Variants in ZNF451 observed in about 807,000 individuals in gnomAD.
ZNF451 encodes E3 SUMO-protein ligase ZNF451.
Under a neutral mutation model 107.1 loss-of-function variants are expected in ZNF451, and 80 were observed. The observed-to-expected ratio is 0.75, with a 90% CI of 0.62 to 0.90. The LOEUF (loss-of-function observed/expected upper bound fraction) is 0.90, where lower values mean the gene tolerates loss of function less well. Among genes scored for constraint, ZNF451 ranks in the 40% least tolerant of loss-of-function variants. The probability of loss-of-function intolerance (pLI) is 0.00; values close to 1 mark genes in which losing one functional copy is unlikely to be tolerated. For missense variants in ZNF451, 1,107 were observed against 1,236.2 expected, an observed-to-expected ratio of 0.90 and a Z score of 1.57; for synonymous variants, 362 against 406.5, an observed-to-expected ratio of 0.89 and a Z score of 1.32.
chr6:57,090,372 G>A (rs1429080386), intron 1 of ZNF451, 98 bp downstream of exon 1: 25 of 1,542,932 alleles, frequency 1.6e-5, no homozygotes, highest in Non-Finnish European at 4.4e-6. Flanking sequence ...CGCAGCCTCG[G>A]GGCGATACCT....
intron 2 of ZNF451, among the ~76,000 whole-genome samples, chr6:57,098,110 C>G (rs1346035995): frequency 1.3e-5 from 2 of 150,948 alleles, no homozygotes; most frequent in Non-Finnish European, 3.0e-5. Flanking sequence ...GCTGGGACTA[C>G]AGGCACGCAC....
At chr6:57,091,922 C>A (rs1349548205) in intron 2 of ZNF451, among the ~76,000 whole-genome samples, 1 of 152,182 alleles carries the variant, frequency 6.6e-6, no homozygotes, top group African/African-American at 2.4e-5. Flanking sequence ...AGGAGTCCTT[C>A]ACAAGATTGT....
rs868641678 is a variant in ZNF451 at position 57,101,998 on chromosome 6, A to G, written c.186+2857A>G. 10 of 1,550,472 alleles carry G rather than the reference A, an allele frequency of 6.4e-6. No homozygotes were observed. In the African/African-American group the frequency reaches 1.4e-4, roughly 21 times the overall value. On this transcript the variant is annotated intron_variant, in intron 3 of 14. Transcript: ENST00000370706. ...TGATCAGAAAGCACATTATCACAAT[A>G]GAGGATACTCCAAAGGGGATTGGTA...
chr6:57,124,239 G>C (rs1231522994), intron 3 of ZNF451, among the ~76,000 whole-genome samples: 1 of 152,068 alleles, frequency 6.6e-6, no homozygotes. Context: ...TGCTTTTTCT[G>C]CATCTATTAA....
intron 7 of ZNF451, 62 bp downstream of exon 7, chr6:57,134,932 G>GT (rs35299344): frequency 8.5e-6 from 12 of 1,407,418 alleles, no homozygotes; most frequent in Admixed American, 2.0e-5. Flanking sequence ...TTAAGTGGAG[G>GT]TTTTTTCCTG....
chr6:57,099,278 A>G, intron 3 of ZNF451, 137 bp downstream of exon 3: 5 of 688,956 alleles, frequency 7.3e-6, no homozygotes, highest in Non-Finnish European at 1.3e-5. Flanking sequence ...TAGGTAGTCC[A>G]AGGAGTCCTT....
At chr6:57,122,244 T>A (rs1830675336) in intron 3 of ZNF451, among the ~76,000 whole-genome samples, 1 of 152,144 alleles carries the variant, frequency 6.6e-6, no homozygotes, top group Non-Finnish European at 1.5e-5. Flanking sequence ...GATTAAAGAC[T>A]TAAATGTAAG....
intron 3 of ZNF451, among the ~76,000 whole-genome samples, chr6:57,113,538 G>A (rs1036870291): frequency 2.0e-5 from 3 of 151,502 alleles, no homozygotes; most frequent in African/African-American, 7.3e-5. Flanking sequence ...TTCGATGAGT[G>A]ATGTATGAAG....
At chr6:57,097,418 T>C (rs1321327684) in intron 2 of ZNF451, among the ~76,000 whole-genome samples, 1 of 152,246 alleles carries the variant, frequency 6.6e-6, no homozygotes, top group South Asian at 2.1e-4. Flanking sequence ...CAAAATCCTT[T>C]CCTCAGCTAT....
intron 13 of ZNF451, among the ~76,000 whole-genome samples, chr6:57,159,925 T>G (rs74998327): frequency 1.7e-3 from 264 of 152,326 alleles, no homozygotes; most frequent in African/African-American, 6.2e-3. Flanking sequence ...AGGTGCTGAT[T>G]CAAGTCACTG....
At chr6:57,165,548 T>C (rs1317006609) in intron 14 of ZNF451, 1 of 152,256 alleles carries the variant, frequency 6.6e-6, no homozygotes, top group Non-Finnish European at 1.5e-5. Flanking sequence ...GTACTCAAAT[T>C]CATTAAGCCC....
rs75612649 is a variant in ZNF451, at chr6:57,129,594, A to G, written c.424+754A>G. 1.7e-4 allele frequency among the ~76,000 whole-genome samples: 26 copies of G among 152,282 alleles called. 1 individual carries two copies. In the East Asian group the frequency reaches 5.0e-3, roughly 29 times the overall value. ...GTTGAACCTAGGTATCTTGGATTCT[A>G]AAGTTAGTTTTCAAGGGCTTTGCTT... On this transcript the variant is annotated intron_variant, in intron 5 of 14. Transcript: ENST00000370706.
At chr6:57,109,613 G>A (rs1292104314) in intron 3 of ZNF451, 2 of 985,132 alleles carry the variant, frequency 2.0e-6, no homozygotes, top group Admixed American at 6.1e-5. Flanking sequence ...GCATGTAAAT[G>A]TTCATTTCAT....
At chr6:57,111,371 G>GTT (rs372422404) in intron 3 of ZNF451, among the ~76,000 whole-genome samples, 9 of 133,320 alleles carry the variant, frequency 6.8e-5, no homozygotes, top group African/African-American at 1.4e-4. Context: ...GGGTTTTTTT[G>GTT]TTTTTTTTTT....
intron 3 of ZNF451, chr6:57,101,816 C>T (rs1829611519): frequency 6.4e-7 from 1 of 1,550,458 alleles, no homozygotes; most frequent in Non-Finnish European, 8.7e-7. Context: ...ACATCTCTCA[C>T]TAAGAAAACC....
chr6:57,103,674 G>A (rs1829712658), intron 3 of ZNF451: 2 of 985,322 alleles, frequency 2.0e-6, no homozygotes, highest in Non-Finnish European at 2.4e-6. Flanking sequence ...ACTTAATTCT[G>A]TAACTTCTGC....
At chr6:57,104,154 C>G (rs1238401768) in intron 3 of ZNF451, 8 of 984,986 alleles carry the variant, frequency 8.1e-6, no homozygotes, top group African/African-American at 7.0e-5. Flanking sequence ...TGCCAGTGTT[C>G]TCTACAAAGT....
chr6:57,166,335 A>T (rs1434968845), intron 14 of ZNF451, among the ~76,000 whole-genome samples: 3 of 152,196 alleles, frequency 2.0e-5, no homozygotes, highest in Non-Finnish European at 4.4e-5. Flanking sequence ...CCTATACTAC[A>T]TTTAAAAAAA....
At chr6:57,107,174 G>A in intron 3 of ZNF451, 1 of 985,292 alleles carries the variant, frequency 1.0e-6, no homozygotes, top group Non-Finnish European at 1.2e-6. Context: ...TTTTGATGTT[G>A]TTAGCATATC....
Sources: allele counts gnomAD v4.1 joint callset (sites outside exome capture counted in the v4.1 genomes callset), GRCh38; gene constraint gnomAD v4.1.1; transcripts MANE v1.5; gene names NCBI Gene and HGNC (gene_info 2026-07-23, HGNC 2026-07-21).